VSTM4: variants seen among roughly 807,000 people sequenced by gnomAD.
VSTM4 encodes V-set and transmembrane domain containing 4.
In VSTM4, 20 loss-of-function variants were observed where a neutral mutation model predicts 36.4. The ratio of observed to expected loss-of-function variants is 0.55; its 90% CI spans 0.39 to 0.80. The LOEUF (loss-of-function observed/expected upper bound fraction) is 0.80. Among genes scored for constraint, VSTM4 ranks in the 30% least tolerant of loss-of-function variants. The pLI is 0.00. For synonymous variants in VSTM4, 182 were observed against 173.9 expected (o/e 1.05, Z -0.37); for missense variants, 392 against 404.5 (o/e 0.97, Z 0.26).
intron 2 of VSTM4, among the ~76,000 whole-genome samples, chr10:49,087,049 T>C (rs1047575612): frequency 1.3e-5 from 2 of 152,340 alleles, no homozygotes; most frequent in African/African-American, 4.8e-5. Context: ...ATTATTATTG[T>C]CATGATCTCA....
At chr10:49,065,548 T>C (rs940375396) in intron 4 of VSTM4, among the ~76,000 whole-genome samples, 6 of 152,174 alleles carry the variant, frequency 3.9e-5, no homozygotes, top group African/African-American at 1.2e-4. Context: ...CCCTCTCTTG[T>C]TGCAGGGAAT....
chr10:49,019,471 G>C lies in VSTM4; in HGVS notation c.*179C>G. On this transcript the variant is annotated 3_prime_UTR_variant, in exon 8 of 8. Transcript: ENST00000332853. ...GAGATCTGTCAAGAGCTGTGGCCCC[G>C]ATTCTTTTGGGGAGAGCAGGCTTGT... is the stretch of plus-strand genomic sequence containing the variant. 2.6e-6 allele frequency: 2 copies of C among 769,098 alleles called. No individual in the cohort carries two copies. The highest frequency in any genetic ancestry group is 3.6e-6 in the Non-Finnish European group (2 of 552,830). 47.6% of individuals were successfully genotyped at this position (769,098 alleles called of 1,614,324 possible).
intron 7 of VSTM4, among the ~76,000 whole-genome samples, chr10:49,025,326 T>C (rs1034462544): frequency 1.3e-5 from 2 of 152,044 alleles, no homozygotes; most frequent in Non-Finnish European, 1.5e-5. Flanking sequence ...AAGAACTACC[T>C]GATAGGGTGG....
intron 1 of VSTM4, among the ~76,000 whole-genome samples, chr10:49,112,072 G>A (rs1327356178): frequency 1.3e-5 from 2 of 152,210 alleles, no homozygotes; most frequent in Non-Finnish European, 2.9e-5. Context: ...AGTTCATCCT[G>A]GTGAACTGTA....
chr10:49,051,241 G>A (rs1205722615), intron 5 of VSTM4, among the ~76,000 whole-genome samples: 2 of 152,044 alleles, frequency 1.3e-5, no homozygotes, highest in Non-Finnish European at 2.9e-5. Flanking sequence ...GGCAACCAGC[G>A]ATCTTTTAAC....
intron 2 of VSTM4, among the ~76,000 whole-genome samples, chr10:49,097,272 T>G (rs1844590411): frequency 6.6e-6 from 1 of 152,178 alleles, no homozygotes; most frequent in African/African-American, 2.4e-5. Context: ...GGGTTCGCCC[T>G]GCCCCATGCC....
At chr10:49,068,599 CT>C (rs1349313415) in intron 4 of VSTM4, among the ~76,000 whole-genome samples, 2 of 152,142 alleles carry the variant, frequency 1.3e-5, no homozygotes, top group Non-Finnish European at 2.9e-5. Context: ...TTACAGGCAC[CT>C]GAGAAATAGA....
At chr10:49,073,082 A>T (rs929475494) in intron 4 of VSTM4, among the ~76,000 whole-genome samples, 2 of 152,226 alleles carry the variant, frequency 1.3e-5, no homozygotes, top group African/African-American at 4.8e-5. Context: ...CATATTTATC[A>T]TATCCTTTCT....
At chr10:49,023,859 C>T (rs1457933914) in intron 7 of VSTM4, among the ~76,000 whole-genome samples, 5 of 152,300 alleles carry the variant, frequency 3.3e-5, no homozygotes, top group East Asian at 1.9e-4. Context: ...CAGTGTTGAA[C>T]TGTCTATTCA....
At chr10:49,034,678 T>C (rs538995902) in intron 7 of VSTM4, among the ~76,000 whole-genome samples, 3 of 152,356 alleles carry the variant, frequency 2.0e-5, no homozygotes, top group South Asian at 4.1e-4. Flanking sequence ...CCTAGCTTGA[T>C]GTTACAGATA....
chr10:49,070,049 G>C (rs55792044), intron 4 of VSTM4, among the ~76,000 whole-genome samples: 1 of 67,294 alleles, frequency 1.5e-5, no homozygotes, highest in African/African-American at 1.0e-4. Flanking sequence ...TCAGGAGATC[G>C]AGACCATCCC....
chr10:49,024,610 G>A (rs1004654317), intron 7 of VSTM4, among the ~76,000 whole-genome samples: 1 of 152,148 alleles, frequency 6.6e-6, no homozygotes, highest in African/African-American at 2.4e-5. Flanking sequence ...CTACTTTGTT[G>A]GATGATTATG....
intron 4 of VSTM4, among the ~76,000 whole-genome samples, chr10:49,067,363 G>T (rs1483714516): frequency 1.3e-5 from 2 of 152,236 alleles, no homozygotes; most frequent in Non-Finnish European, 2.9e-5. Flanking sequence ...TAATAAACTT[G>T]CCCAAAGTCA....
At chr10:49,066,222 A>G (rs868121234) in intron 4 of VSTM4, among the ~76,000 whole-genome samples, 26 of 152,312 alleles carry the variant, frequency 1.7e-4, no homozygotes, top group South Asian at 4.1e-4. Flanking sequence ...TTTTCTATTC[A>G]TAAAATCAAA....
intron 7 of VSTM4, among the ~76,000 whole-genome samples, chr10:49,045,085 T>C (rs1308682442): frequency 6.6e-6 from 1 of 152,230 alleles, no homozygotes; most frequent in Non-Finnish European, 1.5e-5. Flanking sequence ...CCCATTGTAT[T>C]ACTTACACTT....
At chr10:49,113,987 AGACAATCTCTGG>A (rs1470244165) in intron 1 of VSTM4, among the ~76,000 whole-genome samples, 2 of 152,076 alleles carry the variant, frequency 1.3e-5, no homozygotes, top group Admixed American at 6.5e-5. Context: ...CCCCAGCAAA[AGACAATCTCTGG>A]GACACCCACT....
chr10:49,056,798 T>C (rs1008459458), intron 5 of VSTM4, among the ~76,000 whole-genome samples: 7 of 152,198 alleles, frequency 4.6e-5, no homozygotes, highest in African/African-American at 1.7e-4. Context: ...TTCTGTCACC[T>C]GGTATATTAG....
At chr10:49,044,425 AAAAG>A (rs1016106552) in intron 7 of VSTM4, among the ~76,000 whole-genome samples, 1 of 151,040 alleles carries the variant, frequency 6.6e-6, no homozygotes, top group African/African-American at 2.4e-5. Flanking sequence ...GAAAGAAAGA[AAAAG>A]AAAAGAAGGA....
At chr10:49,043,272 G>A (rs1462760880) in intron 7 of VSTM4, among the ~76,000 whole-genome samples, 2 of 152,070 alleles carry the variant, frequency 1.3e-5, no homozygotes, top group African/African-American at 4.8e-5. Context: ...ATTAATAATT[G>A]CTATATTGAT....
Sources: gnomAD v4.1 joint callset for allele counts (sites outside exome capture counted in the v4.1 genomes callset) on GRCh38, gnomAD v4.1.1 for gene constraint, MANE v1.5 for transcripts, NCBI Gene and HGNC (gene_info 2026-07-23, HGNC 2026-07-21) for gene names.